The following MOSMO variants were observed in gnomAD, a reference collection of about 807,000 sequenced individuals.
MOSMO encodes modulator of smoothened.
MOSMO carries 5 observed loss-of-function variants against 18.4 expected under a neutral mutation model. That is an observed-to-expected ratio of 0.27 (90% confidence interval 0.14 to 0.57). The LOEUF (loss-of-function observed/expected upper bound fraction) is 0.57. Ranked by LOEUF, MOSMO falls within the 20% of genes least tolerant of loss-of-function variation. MOSMO has a pLI of 0.92. For missense variants in MOSMO, 138 were observed against 211.8 expected, an observed-to-expected ratio of 0.65 and a Z score of 2.16; for synonymous variants, 82 against 82.3, an observed-to-expected ratio of 1.00 and a Z score of 0.02.
chr16:22,080,023 A>G (rs1450326313), intron 2 of MOSMO, among the ~76,000 whole-genome samples: 1 of 152,168 alleles, frequency 6.6e-6, no homozygotes, highest in Non-Finnish European at 1.5e-5. Context: ...ACCTCAGGTT[A>G]TCCGCCCGCC....
At chr16:22,058,064 T>C (rs1217648615) in intron 1 of MOSMO, among the ~76,000 whole-genome samples, 3 of 152,186 alleles carry the variant, frequency 2.0e-5, no homozygotes, top group African/African-American at 7.2e-5. Flanking sequence ...TTTTGTTCTT[T>C]ATCCTAACAG....
rs1178582257 is a variant in MOSMO at position 22,083,706 on chromosome 16, A to G, written c.*2826A>G. 2.2e-6 allele frequency: 1 copy of G among 451,460 alleles called. No homozygotes were observed. Among genetic ancestry groups the G allele is most frequent in the East Asian group, 7.0e-5 (1 of 14,344 alleles). 28.0% of individuals were successfully genotyped at this position (451,460 alleles called of 1,614,324 possible). Reference sequence around the variant, plus strand: ...GTGCATTCTTCTCATACCTAAGAATATCACTGTAAAATCTGCTGAAAACTA... The same window carrying G: ...GTGCATTCTTCTCATACCTAAGAATGTCACTGTAAAATCTGCTGAAAACTA... On this transcript the variant is annotated 3_prime_UTR_variant, in exon 3 of 3. Coordinates refer to ENST00000542527, the MANE Select transcript of MOSMO (RefSeq NM_001164579.2).
chr16:22,091,074 C>G (rs1901307068), downstream of MOSMO, among the ~76,000 whole-genome samples: 2 of 152,218 alleles, frequency 1.3e-5, no homozygotes, highest in Middle Eastern at 3.4e-3. Context: ...CCAGCCCCTT[C>G]CACCCAAAAT....
chr16:22,044,438 A>G (rs1900268773), intron 1 of MOSMO, among the ~76,000 whole-genome samples: 1 of 152,236 alleles, frequency 6.6e-6, no homozygotes, highest in African/African-American at 2.4e-5. Flanking sequence ...TGAAGTGGGT[A>G]CAGTTGAGCA....
Position 22,083,623 on chromosome 16 carries a change from CTG to C in MOSMO, c.*2745_*2746del, listed in dbSNP as rs1901120975. 1 of 453,066 alleles carries C rather than the reference CTG, an allele frequency of 2.2e-6. No individual in the cohort carries two copies. The allele number at this position is 453,066 out of a possible 1,614,324, so 28.1% of individuals were successfully genotyped here. On this transcript the variant is annotated 3_prime_UTR_variant, in exon 3 of 3. Coordinates refer to ENST00000542527, the MANE Select transcript of MOSMO (RefSeq NM_001164579.2). ...TATCTTGTAAACTGTATATAAAACA[CTG>C]TTTTATGGTGCAATCATTTGTCAAA...
chr16:22,075,735 GCACC>G, intron 2 of MOSMO, 36 bp downstream of exon 2: 2 of 1,383,072 alleles, frequency 1.4e-6, no homozygotes, highest in Non-Finnish European at 1.9e-6. Flanking sequence ...TGTCTAGAAG[GCACC>G]CACCCACACT....
At chr16:22,028,167 A>C (rs1182809022) in intron 1 of MOSMO, among the ~76,000 whole-genome samples, 1 of 152,118 alleles carries the variant, frequency 6.6e-6, no homozygotes, top group Admixed American at 6.6e-5. Flanking sequence ...CCCTTCTTCA[A>C]GTTTTCAGAA....
At chr16:22,072,355 T>TA (rs1598024471) in intron 1 of MOSMO, among the ~76,000 whole-genome samples, 1 of 152,204 alleles carries the variant, frequency 6.6e-6, no homozygotes, top group South Asian at 2.1e-4. Context: ...GTTGTCAACT[T>TA]AGAGTCTCAC....
downstream of MOSMO, among the ~76,000 whole-genome samples, chr16:22,089,478 G>A (rs1474941618): frequency 6.6e-6 from 1 of 152,116 alleles, no homozygotes; most frequent in Non-Finnish European, 1.5e-5. Flanking sequence ...TCCCAAACCA[G>A]CTGCTCCTCA....
intron 1 of MOSMO, among the ~76,000 whole-genome samples, chr16:22,067,573 G>A (rs946455176): frequency 4.6e-5 from 7 of 152,104 alleles, no homozygotes; most frequent in African/African-American, 9.7e-5. Flanking sequence ...TATCACTCTC[G>A]GCTGGATGTG....
the MOSMO span, chr16:22,092,558 T>C: frequency 3.3e-6 from 5 of 1,534,416 alleles, no homozygotes; most frequent in Non-Finnish European, 4.4e-6. Flanking sequence ...TTGGAGGAGC[T>C]TGGAGAAACC....
chr16:22,081,977 A>G lies in MOSMO; in HGVS notation c.*1097A>G, dbSNP rs1044395322. 3 of 152,190 alleles carry G rather than the reference A, an allele frequency of 2.0e-5. No individual in the cohort carries two copies. Among genetic ancestry groups the G allele is most frequent in the Non-Finnish European group, 4.4e-5 (3 of 68,014 alleles). 9.4% of individuals were successfully genotyped at this position (152,190 alleles called of 1,614,324 possible). Reference sequence around the variant, plus strand: ...AACCTTATAATTTGGGGAATCTGACACTATTTAAATTATTGGCAACTGTTG... The same window carrying G: ...AACCTTATAATTTGGGGAATCTGACGCTATTTAAATTATTGGCAACTGTTG... On this transcript the variant is annotated 3_prime_UTR_variant, in exon 3 of 3. Coordinates refer to ENST00000542527, the MANE Select transcript of MOSMO (RefSeq NM_001164579.2).
At chr16:22,057,737 G>A (rs1900564430) in intron 1 of MOSMO, among the ~76,000 whole-genome samples, 1 of 152,100 alleles carries the variant, frequency 6.6e-6, no homozygotes, top group African/African-American at 2.4e-5. Flanking sequence ...GTGCTATAAA[G>A]GGAGAAATGT....
At chr16:22,016,584 T>C (rs1458490459) in intron 1 of MOSMO, among the ~76,000 whole-genome samples, 1 of 152,154 alleles carries the variant, frequency 6.6e-6, no homozygotes, top group African/African-American at 2.4e-5. Context: ...CAAGGAGTAC[T>C]TGGGTTTTTA....
intron 1 of MOSMO, among the ~76,000 whole-genome samples, chr16:22,045,375 G>A (rs1390170295): frequency 1.3e-5 from 2 of 152,112 alleles, no homozygotes; most frequent in Non-Finnish European, 2.9e-5. Flanking sequence ...GAAAGGCAGC[G>A]CTGGGGCTAG....
At chr16:22,051,812 C>T (rs558965674) in intron 1 of MOSMO, among the ~76,000 whole-genome samples, 139 of 152,192 alleles carry the variant, frequency 9.1e-4, no homozygotes, top group African/African-American at 3.2e-3. Context: ...GTCTTGGGGA[C>T]TGAGCCATCA....
intron 1 of MOSMO, among the ~76,000 whole-genome samples, chr16:22,050,623 C>G (rs1900403627): frequency 6.6e-6 from 1 of 152,074 alleles, no homozygotes; most frequent in Admixed American, 6.6e-5. Flanking sequence ...GGTGTGGTGG[C>G]TTATGTCTTT....
intron 1 of MOSMO, among the ~76,000 whole-genome samples, chr16:22,061,058 AT>A (rs1202972078): frequency 1.3e-5 from 2 of 152,150 alleles, no homozygotes; most frequent in African/African-American, 4.8e-5. Context: ...CTTATTCATG[AT>A]TGCATATGAT....
chr16:22,021,013 C>G (rs1050038430), intron 1 of MOSMO, among the ~76,000 whole-genome samples: 1 of 150,770 alleles, frequency 6.6e-6, no homozygotes, highest in South Asian at 2.1e-4. Context: ...GAGGAAGATA[C>G]GTATGAGTGA....
Sources: gnomAD v4.1 joint callset for allele counts (sites outside exome capture counted in the v4.1 genomes callset) on GRCh38, gnomAD v4.1.1 for gene constraint, MANE v1.5 for transcripts, NCBI Gene and HGNC (gene_info 2026-07-23, HGNC 2026-07-21) for gene names.